ATG10: variants seen among roughly 807,000 people sequenced by gnomAD.
ATG10 encodes the protein ubiquitin-like-conjugating enzyme ATG10.
A neutral mutation model predicts 32.1 loss-of-function variants in ATG10; 30 were observed. That is an observed-to-expected ratio of 0.94 (90% CI 0.70 to 1.27). The LOEUF (loss-of-function observed/expected upper bound fraction) is 1.27. Ranked by LOEUF, ATG10 falls within the 50% of genes most tolerant of loss-of-function variation. The probability of loss-of-function intolerance (pLI) is 0.00; values close to 1 mark genes in which losing one functional copy is unlikely to be tolerated. For synonymous variants in ATG10, 87 were observed against 91.5 expected (o/e 0.95, Z 0.28); for missense variants, 233 against 262.3 (o/e 0.89, Z 0.77).
In ATG10 at chr5:82,129,708, A is replaced by T. The variant is rs1234739091; in HGVS notation, c.217-34691A>T. ...AGCAAAGATTGCTTCCTGTTCCTTCATCTGGAAGCTTCATCCCAGGGGGGC... is the reference window on the plus strand; with the variant it reads ...AGCAAAGATTGCTTCCTGTTCCTTCTTCTGGAAGCTTCATCCCAGGGGGGC... On this transcript the variant is annotated intron_variant, in intron 3 of 7. Transcript: ENST00000282185. Among the ~76,000 whole-genome samples, 4 of 152,160 alleles carry T rather than the reference A, an allele frequency of 2.6e-5. No individual in the cohort carries two copies. In the East Asian group the frequency reaches 7.8e-4, roughly 30 times the overall value.
At chr5:82,246,447 G>T (rs1747038087) in intron 5 of ATG10, among the ~76,000 whole-genome samples, 1 of 151,136 alleles carries the variant, frequency 6.6e-6, no homozygotes, top group African/African-American at 2.4e-5. Context: ...CCAGCACTTT[G>T]GGAGATTAAG....
intron 5 of ATG10, among the ~76,000 whole-genome samples, chr5:82,203,494 T>C (rs1417888070): frequency 2.0e-5 from 3 of 152,192 alleles, no homozygotes; most frequent in South Asian, 2.1e-4. Context: ...TTTGTTTTTT[T>C]AGTTTTAATC....
intron 3 of ATG10, among the ~76,000 whole-genome samples, chr5:82,080,531 C>G (rs1581668421): frequency 6.6e-6 from 1 of 152,088 alleles, no homozygotes; most frequent in Admixed American, 6.6e-5. Flanking sequence ...TCTTGAATTA[C>G]TTTTTGTATA....
chr5:82,047,265 T>C (rs1439367266), intron 2 of ATG10, among the ~76,000 whole-genome samples: 2 of 152,104 alleles, frequency 1.3e-5, no homozygotes, highest in East Asian at 3.9e-4. Context: ...CATATGAAGG[T>C]CTCACGTCTA....
chr5:82,009,982 C>T, intron 2 of ATG10: 1 of 1,611,544 alleles, frequency 6.2e-7, no homozygotes, highest in African/African-American at 1.3e-5. Flanking sequence ...GTGCTCAGAG[C>T]ATGAAAATTT....
At chr5:82,242,538 G>A (rs1375499078) in intron 5 of ATG10, among the ~76,000 whole-genome samples, 2 of 151,902 alleles carry the variant, frequency 1.3e-5, no homozygotes, top group Non-Finnish European at 2.9e-5. Context: ...ATCCCCCAGT[G>A]AAAAATGAAA....
intron 1 of ATG10, among the ~76,000 whole-genome samples, chr5:81,979,377 A>C (rs1302015409): frequency 6.6e-6 from 1 of 152,092 alleles, no homozygotes; most frequent in African/African-American, 2.4e-5. Flanking sequence ...AAATACAAAA[A>C]ATTAGCTGGG....
chr5:82,151,934 A>T (rs1469788434), intron 3 of ATG10, among the ~76,000 whole-genome samples: 1 of 152,202 alleles, frequency 6.6e-6, no homozygotes, highest in Non-Finnish European at 1.5e-5. Flanking sequence ...GGATCTGTAG[A>T]TCTTTCTCAT....
chr5:82,223,156 C>G (rs1173875513), intron 5 of ATG10, among the ~76,000 whole-genome samples: 1 of 152,188 alleles, frequency 6.6e-6, no homozygotes, highest in Non-Finnish European at 1.5e-5. Context: ...ATGCCATTAT[C>G]ATTTGCTATC....
intron 5 of ATG10, among the ~76,000 whole-genome samples, chr5:82,206,524 C>T (rs986836558): frequency 6.6e-6 from 1 of 151,944 alleles, no homozygotes; most frequent in Non-Finnish European, 1.5e-5. Context: ...GTGGCATGTG[C>T]CTGTGGTCCC....
intron 2 of ATG10, among the ~76,000 whole-genome samples, chr5:82,033,134 A>G (rs910049850): frequency 6.6e-6 from 1 of 152,178 alleles, no homozygotes; most frequent in Admixed American, 6.5e-5. Flanking sequence ...GTTCAGATGC[A>G]CCATAATATA....
At chr5:82,034,793 T>C (rs1198293134) in intron 2 of ATG10, among the ~76,000 whole-genome samples, 1 of 152,310 alleles carries the variant, frequency 6.6e-6, no homozygotes, top group African/African-American at 2.4e-5. Context: ...TTTCTTCATA[T>C]CTGTGCTCAA....
intron 5 of ATG10, among the ~76,000 whole-genome samples, chr5:82,246,071 CTTTT>C (rs11340753): frequency 4.0e-5 from 5 of 125,120 alleles, no homozygotes; most frequent in Non-Finnish European, 3.4e-5. Flanking sequence ...TAATACTGAC[CTTTT>C]TTTTTTTTTT....
At chr5:82,084,899 A>C (rs1285370497) in intron 3 of ATG10, among the ~76,000 whole-genome samples, 2 of 152,172 alleles carry the variant, frequency 1.3e-5, no homozygotes, top group Non-Finnish European at 2.9e-5. Context: ...AAAGACCATC[A>C]ATGCTAGGAA....
Position 82,074,155 on chromosome 5 carries a change from A to G in ATG10, c.216+15553A>G, listed in dbSNP as rs191122404. Among the ~76,000 whole-genome samples the G allele has an allele frequency of 1.6e-4, 25 of 152,344 alleles. 1 individual carries two copies. The highest frequency in any genetic ancestry group is 6.0e-4 in the African/African-American group (25 of 41,586). On this transcript the variant is annotated intron_variant, in intron 3 of 7. Coordinates refer to ENST00000282185, the MANE Select transcript of ATG10 (RefSeq NM_031482.5). The stretch of plus-strand genomic sequence containing the variant: ...ATTCCATTCTATATAAAATTATTCC[A>G]CAAAGAACTTTGCTTCATCAAGACC...
intron 5 of ATG10, among the ~76,000 whole-genome samples, chr5:82,216,213 G>T (rs1045249397): frequency 1.3e-5 from 2 of 152,178 alleles, no homozygotes; most frequent in Non-Finnish European, 2.9e-5. Context: ...TGTCCCCACT[G>T]CTTATTACCT....
intron 3 of ATG10, among the ~76,000 whole-genome samples, chr5:82,158,179 A>C (rs1767884218): frequency 6.6e-6 from 1 of 152,192 alleles, no homozygotes; most frequent in Non-Finnish European, 1.5e-5. Context: ...AATTGAATTC[A>C]ATAAAATCAA....
At chr5:82,207,143 G>A (rs115673633) in intron 5 of ATG10, among the ~76,000 whole-genome samples, 1,713 of 152,208 alleles carry the variant, frequency 0.011, 13 homozygotes, top group Non-Finnish European at 0.017. Flanking sequence ...ATGCATATAT[G>A]TATGTATGCA....
intron 3 of ATG10, among the ~76,000 whole-genome samples, chr5:82,063,851 G>T (rs1763862098): frequency 6.6e-6 from 1 of 152,114 alleles, no homozygotes; most frequent in Non-Finnish European, 1.5e-5. Context: ...AAAAGAGGGA[G>T]AGGATCAAGA....
Sources: gnomAD v4.1 joint callset for allele counts (sites outside exome capture counted in the v4.1 genomes callset) on GRCh38, gnomAD v4.1.1 for gene constraint, MANE v1.5 for transcripts, NCBI Gene and HGNC (gene_info 2026-07-23, HGNC 2026-07-21) for gene names.